Variants in S100Z observed in about 807,000 individuals in gnomAD.
S100Z encodes the protein S100 calcium binding protein Z, also known as protein S100-Z.
In S100Z, 11 loss-of-function variants were observed where a neutral mutation model predicts 8.5. That is an observed-to-expected ratio of 1.30 (90% CI 0.82 to 2.15). The LOEUF (loss-of-function observed/expected upper bound fraction) is 2.15. Ranked by LOEUF, S100Z falls within the 30% of genes most tolerant of loss-of-function variation. The probability of loss-of-function intolerance (pLI) is 0.00; values close to 1 mark genes in which losing one functional copy is unlikely to be tolerated. For synonymous variants in S100Z, 34 were observed against 43.8 expected (o/e 0.78, Z 0.89); for missense variants, 126 against 117.9 (o/e 1.07, Z -0.32).
downstream of S100Z, among the ~76,000 whole-genome samples, chr5:76,926,404 G>A (rs190959937): frequency 2.1e-3 from 324 of 152,208 alleles, 2 homozygotes; most frequent in Middle Eastern, 0.01. Context: ...CAACATTCAG[G>A]TAATGGGCTT....
intron 1 of S100Z, among the ~76,000 whole-genome samples, chr5:76,865,102 T>G (rs1751220474): frequency 6.6e-6 from 1 of 152,142 alleles, no homozygotes; most frequent in African/African-American, 2.4e-5. Flanking sequence ...CAGAAGGCGT[T>G]GTTATCACAG....
chr5:76,918,285 C>A (rs1262763574), intron 4 of S100Z, among the ~76,000 whole-genome samples: 2 of 152,198 alleles, frequency 1.3e-5, no homozygotes, highest in East Asian at 3.9e-4. Flanking sequence ...CAGCTCGCTG[C>A]AACTTCTGCC....
chr5:76,886,501 G>C (rs1032304928), intron 4 of S100Z, among the ~76,000 whole-genome samples: 1 of 152,168 alleles, frequency 6.6e-6, no homozygotes, highest in Non-Finnish European at 1.5e-5. Flanking sequence ...ACCCGAGGTC[G>C]TAGGTGGATC....
the S100Z span, among the ~76,000 whole-genome samples, chr5:76,949,264 C>T: frequency 1.3e-5 from 2 of 152,078 alleles, no homozygotes; most frequent in South Asian, 2.1e-4. Context: ...TGGCAGGCGC[C>T]TGTAGTACCA....
At chr5:76,866,650 G>T (rs1007204680) in intron 1 of S100Z, among the ~76,000 whole-genome samples, 1 of 152,102 alleles carries the variant, frequency 6.6e-6, no homozygotes, top group African/African-American at 2.4e-5. Flanking sequence ...CATTACAGTT[G>T]CCTGCAGTAT....
intron 1 of S100Z, among the ~76,000 whole-genome samples, chr5:76,859,571 A>G (rs1750990337): frequency 1.3e-5 from 2 of 152,016 alleles, no homozygotes; most frequent in Admixed American, 1.3e-4. Context: ...ACCTGAGGTC[A>G]GGAGTTTGAG....
the S100Z span, among the ~76,000 whole-genome samples, chr5:76,949,306 G>A: frequency 0.4 from 60,398 of 151,848 alleles, 14,190 homozygotes; most frequent in South Asian, 0.65. Context: ...GGAGAATGGC[G>A]TGGACCCAGG....
chr5:76,896,991 C>A (rs1744060009), intron 4 of S100Z, among the ~76,000 whole-genome samples: 1 of 152,020 alleles, frequency 6.6e-6, no homozygotes, highest in South Asian at 2.1e-4. Flanking sequence ...TTTCCGGGTT[C>A]TCTATTTTGT....
intron 4 of S100Z, among the ~76,000 whole-genome samples, chr5:76,893,331 G>A (rs760058680): frequency 4.5e-4 from 68 of 152,236 alleles, no homozygotes; most frequent in African/African-American, 1.3e-3. Context: ...CTGTGATGGG[G>A]TAGAAAGCAA....
intron 1 of S100Z, among the ~76,000 whole-genome samples, chr5:76,869,952 G>A (rs187237150): frequency 4.0e-4 from 61 of 152,106 alleles, no homozygotes; most frequent in Middle Eastern, 3.4e-3. Flanking sequence ...GAACCCAGGA[G>A]GCAGAGGTTG....
chr5:76,900,169 G>C (rs556580885), intron 4 of S100Z, among the ~76,000 whole-genome samples: 69 of 151,970 alleles, frequency 4.5e-4, no homozygotes, highest in Non-Finnish European at 8.1e-4. Flanking sequence ...CTTTCTTTTT[G>C]GTTGACCTTT....
Position 76,905,024 on chromosome 5 carries a change from C to T in S100Z, c.*3-15693C>T, listed in dbSNP as rs527252662. On this transcript the variant is annotated intron_variant, in intron 4 of 4. Transcript: ENST00000317593. ...CATTCCCCAGAACATTTGGCAATAT[C>T]GAAGACATTTTTGGTTGATTGGGGA... Among the ~76,000 whole-genome samples the T allele has an allele frequency of 8.7e-4, 132 of 152,154 alleles. 1 individual carries two copies. The highest frequency in any genetic ancestry group is 1.5e-3 in the Non-Finnish European group (100 of 68,040).
chr5:76,929,445 T>C, the S100Z span, among the ~76,000 whole-genome samples: 1 of 152,226 alleles, frequency 6.6e-6, no homozygotes, highest in African/African-American at 2.4e-5. Context: ...AAAATTGTCC[T>C]GATACATGCA....
intron 1 of S100Z, among the ~76,000 whole-genome samples, chr5:76,852,226 C>T (rs1750752070): frequency 6.6e-6 from 1 of 152,084 alleles, no homozygotes; most frequent in South Asian, 2.1e-4. Context: ...TGTCGGTCCT[C>T]TTATCAGCAT....
chr5:76,895,270 A>G (rs1049589488), intron 4 of S100Z, among the ~76,000 whole-genome samples: 6 of 152,188 alleles, frequency 3.9e-5, no homozygotes, highest in African/African-American at 1.4e-4. Flanking sequence ...GCACCAACCA[A>G]ATAACAGAGC....
chr5:76,904,489 C>T (rs773567116), intron 4 of S100Z, among the ~76,000 whole-genome samples: 3 of 151,704 alleles, frequency 2.0e-5, no homozygotes, highest in Non-Finnish European at 4.4e-5. Flanking sequence ...CCACGTTGGC[C>T]AGGCTGGTCT....
At chr5:76,926,708 A>T in the S100Z span, among the ~76,000 whole-genome samples, 1 of 152,222 alleles carries the variant, frequency 6.6e-6, no homozygotes, top group African/African-American at 2.4e-5. Flanking sequence ...CAAAGAGGGG[A>T]TCTGGAGAAA....
chr5:76,851,984 TTTTG>T (rs1407625385), intron 1 of S100Z, among the ~76,000 whole-genome samples: 2 of 152,058 alleles, frequency 1.3e-5, no homozygotes, highest in African/African-American at 2.4e-5. Flanking sequence ...TTTTGGTGGG[TTTTG>T]TTTGTTTGTC....
chr5:76,879,339 CATT>C (rs1187804724), intron 4 of S100Z, among the ~76,000 whole-genome samples: 2 of 152,174 alleles, frequency 1.3e-5, no homozygotes, highest in African/African-American at 4.8e-5. Flanking sequence ...CTGGTCCTCT[CATT>C]ATGTGGGGGG....
Sources: gnomAD v4.1 joint callset for allele counts (sites outside exome capture counted in the v4.1 genomes callset) on GRCh38, gnomAD v4.1.1 for gene constraint, MANE v1.5 for transcripts, NCBI Gene and HGNC (gene_info 2026-07-23, HGNC 2026-07-21) for gene names.